Variants in KIRREL2 observed in about 807,000 individuals in gnomAD.
KIRREL2 encodes the protein kin of IRRE-like protein 2.
Under a neutral mutation model 73.4 loss-of-function variants are expected in KIRREL2, and 56 were observed. That is an observed-to-expected ratio of 0.76 (90% CI 0.62 to 0.95). The LOEUF is 0.95. Ranked by LOEUF, KIRREL2 falls within the 40% of genes least tolerant of loss-of-function variation. The pLI is 0.00. For synonymous variants in KIRREL2, 407 were observed against 404.0 expected (o/e 1.01, Z -0.09); for missense variants, 896 against 935.0 (o/e 0.96, Z 0.54).
chr19:35,861,244 G>T lies in KIRREL2; in HGVS notation c.1179G>T (p.Leu393=). 6.5e-7 allele frequency: 1 copy of T among 1,530,830 alleles called. No individual in the cohort carries two copies. Among genetic ancestry groups the T allele is most frequent in the Non-Finnish European group, 8.7e-7 (1 of 1,149,072 alleles). The allele number at this position is 1,530,830 out of a possible 1,614,324, so 94.8% of individuals were successfully genotyped here. The change falls in exon 9 of 15, where the codon CTG becomes CTT. Residue 393 remains leucine (L), a synonymous_variant. Transcript: ENST00000360202. ...GLRGGAAEAR[L]TVNAPPVVTA... is the part of the protein sequence containing the mutation. Reference sequence around the variant, plus strand: ...GGGGCGGCGCCGCGGAGGCTCGGCTGACTGTGAACGGTGAGAAGGCGGGGC... The same window carrying T: ...GGGGCGGCGCCGCGGAGGCTCGGCTTACTGTGAACGGTGAGAAGGCGGGGC...
intron 13 of KIRREL2, among the ~76,000 whole-genome samples, chr19:35,863,442 T>C (rs868275401): frequency 6.1e-5 from 9 of 147,540 alleles, no homozygotes; most frequent in Admixed American, 5.3e-4. Flanking sequence ...TTTTTTTTTT[T>C]ATGTAGGAGG....
At chr19:35,852,159 C>T (rs1409332935), upstream of KIRREL2, among the ~76,000 whole-genome samples, 1 of 148,560 alleles carries the variant, frequency 6.7e-6, no homozygotes, top group Non-Finnish European at 1.5e-5. Flanking sequence ...AGACTCTTTC[C>T]TTCAAGCCAT....
chr19:35,858,622 C>T, intron 3 of KIRREL2, 65 bp downstream of exon 3: 1 of 1,609,298 alleles, frequency 6.2e-7, no homozygotes, highest in Non-Finnish European at 8.5e-7. Context: ...CTGTGAGTAG[C>T]AGAGCCCAGG....
Position 35,858,871 on chromosome 19 carries a change from T to C in KIRREL2, c.522+7T>C. 6.2e-7 allele frequency: 1 copy of C among 1,614,044 alleles called. No individual in the cohort carries two copies. Among genetic ancestry groups the C allele is most frequent in the East Asian group, 2.2e-5 (1 of 44,874 alleles). ...TGGAGCCACCTTCCATCAGGTCAGG[T>C]CCAAATTCCTGTGCTAGCCTTTGCC... On this transcript the variant is annotated splice_region_variant and intron_variant, in intron 4 of 14. Coordinates refer to ENST00000360202, the MANE Select transcript of KIRREL2 (RefSeq NM_199180.4).
At chr19:35,862,203 T>C (rs1467755549) in intron 11 of KIRREL2, among the ~76,000 whole-genome samples, 179 bp downstream of exon 11, 1 of 152,104 alleles carries the variant, frequency 6.6e-6, no homozygotes, top group Non-Finnish European at 1.5e-5. Context: ...CACAAATGCC[T>C]TCACATTCTG....
chr19:35,866,466 C>G lies in KIRREL2; in HGVS notation c.2101C>G (p.His701Asp). Residue 701 changes from histidine to aspartate, a missense_variant, in exon 15 of 15, where the codon CAC becomes GAC. Transcript: ENST00000360202. ...FPYAAFPTPSHPRLQTHV is the reference protein window; with the variant it reads ...FPYAAFPTPSDPRLQTHV Reference sequence around the variant, plus strand: ...ATATGCTGCCTTCCCCACACCTAGCCACCCGCGTCTCCAGACTCACGTGTG... The same window carrying G: ...ATATGCTGCCTTCCCCACACCTAGCGACCCGCGTCTCCAGACTCACGTGTG... 6.2e-7 allele frequency: 1 copy of G among 1,611,650 alleles called. No homozygotes were observed. Among genetic ancestry groups the G allele is most frequent in the Non-Finnish European group, 8.5e-7 (1 of 1,177,798 alleles).
chr19:35,866,186 A>G lies in KIRREL2; in HGVS notation c.1821A>G (p.Arg607=). 6.2e-7 allele frequency: 1 copy of G among 1,612,204 alleles called. No homozygotes were observed. The highest frequency in any genetic ancestry group is 1.1e-5 in the South Asian group (1 of 90,968). ...KDPTNGYYKV[R]GVSVSLSLGE... The stretch of plus-strand genomic sequence containing the variant: ...CAACCAACGGTTACTACAAGGTCCG[A>G]GGAGTCAGTGTGAGCCTGAGCCTTG... The change falls in exon 15 of 15, where the codon CGA becomes CGG. Residue 607 remains arginine (R), a synonymous_variant. Transcript: ENST00000360202.
Position 35,857,183 on chromosome 19 carries a change from A to G in KIRREL2, c.61+3A>G. The G allele has an allele frequency of 6.9e-7, 1 of 1,439,070 alleles. No individual in the cohort carries two copies. Among genetic ancestry groups the G allele is most frequent in the Non-Finnish European group, 9.6e-7 (1 of 1,046,736 alleles). The allele number at this position is 1,439,070 out of a possible 1,614,324, so 89.1% of individuals were successfully genotyped here. A position where few individuals can be genotyped will look rare whatever the true frequency, so the allele number is the denominator to read the frequency against. On this transcript the variant is annotated splice_donor_region_variant and intron_variant, in intron 1 of 14. Transcript: ENST00000360202. ...CTTCTGCTTCAGAGGGAGAGCAGGT[A>G]CCGCACGAGGGGAGCGGAGGAATAT...
Position 35,858,514 on chromosome 19 carries a change from A to T in KIRREL2, c.318A>T (p.Thr106=), listed in dbSNP as rs199689669. 3.7e-6 allele frequency: 6 copies of T among 1,614,074 alleles called. No homozygotes were observed. ...AAGCATCATATGAATGTCAGGCTAC[A>T]CAAGCAGGCCTCCGCTCCAGACCAG... ...EDEASYECQA[T]QAGLRSRPAQ... The change falls in exon 3 of 15, where the codon ACA becomes ACT. Residue 106 remains threonine (T), a synonymous_variant. Transcript: ENST00000360202.
In KIRREL2 at chr19:35,861,588, G is replaced by A; in HGVS notation, c.1237G>A (p.Gly413Ser). ...GCACTCTGCGCCTGCCTTCCTGAGG[G>A]GCCCTGCTCGCCTCCAGTGTCTGGT... ...ALHSAPAFLRGPARLQCLVFA... is the reference protein window; with the variant it reads ...ALHSAPAFLRSPARLQCLVFA... Residue 413 changes from glycine to serine, a missense_variant, in exon 10 of 15, where the codon GGC becomes AGC. Gly to Ser is a moderately conservative substitution (Grantham distance 56, BLOSUM62 0). Transcript: ENST00000360202. 1.2e-6 allele frequency: 2 copies of A among 1,613,370 alleles called. No individual in the cohort carries two copies. The highest frequency in any genetic ancestry group is 1.7e-6 in the Non-Finnish European group (2 of 1,179,800).
chr19:35,855,442 T>A (rs1039395502), upstream of KIRREL2, among the ~76,000 whole-genome samples: 6 of 151,758 alleles, frequency 4.0e-5, no homozygotes, highest in African/African-American at 1.5e-4. Context: ...AACAGCCCCA[T>A]GACTTGAGTT....
At chr19:35,864,736 C>T in intron 14 of KIRREL2, 23 bp downstream of exon 14, 1 of 1,565,694 alleles carries the variant, frequency 6.4e-7, no homozygotes, top group Non-Finnish European at 8.8e-7. Context: ...AGGGGTGGGG[C>T]TCCCTTCACT....
chr19:35,852,560 G>C (rs1371972290), upstream of KIRREL2, among the ~76,000 whole-genome samples: 1 of 151,850 alleles, frequency 6.6e-6, no homozygotes, highest in Non-Finnish European at 1.5e-5. Context: ...CCTCTGCCCA[G>C]CAGGCTCCTC....
rs143257786 is a variant in KIRREL2, at chr19:35,860,403, G to T, written c.779+1G>T. ...CCCAGCCTCCTGTCACAGGCTACAG[G>T]TGAGGACGAAGACCCACCTCTCCCC... On this transcript the variant is annotated splice_donor_variant, in intron 6 of 14. Transcript: ENST00000360202. LOFTEE classifies it high-confidence loss of function. 1.2e-3 allele frequency: 1,921 copies of T among 1,612,586 alleles called. 3 individuals carry two copies. The highest frequency in any genetic ancestry group is 1.5e-3 in the Non-Finnish European group (1,819 of 1,179,922).
upstream of KIRREL2, among the ~76,000 whole-genome samples, chr19:35,853,763 C>T (rs1451187906): frequency 6.6e-6 from 1 of 152,016 alleles, no homozygotes; most frequent in Non-Finnish European, 1.5e-5. Flanking sequence ...CCTCAAACCT[C>T]CTAGGCTCAA....
At chr19:35,861,443 T>C (rs1973679463) in intron 9 of KIRREL2, 98 bp from the exon 10 acceptor site, 1 of 1,463,256 alleles carries the variant, frequency 6.8e-7, no homozygotes, top group East Asian at 2.3e-5. Flanking sequence ...CCTGATTGAT[T>C]GAGGTTAGCG....
chr19:35,862,520 C>T lies in KIRREL2; in HGVS notation c.1538C>T (p.Ala513Val), dbSNP rs1417561774. ...RDLLPTVRIV[A>V]GVAAATTTLL... is the part of the protein sequence containing the mutation. The stretch of plus-strand genomic sequence containing the variant: ...TTGCTGCCCACTGTGCGGATAGTGG[C>T]CGGAGTGGCCGCTGCCACCACAACT... Residue 513 changes from alanine (A) to valine (V), a missense_variant, in exon 12 of 15, where the codon GCC (alanine) becomes GTC (valine). Coordinates refer to ENST00000360202, the MANE Select transcript of KIRREL2 (RefSeq NM_199180.4). The T allele has an allele frequency of 2.5e-6, 4 of 1,610,216 alleles. No individual in the cohort carries two copies. Among genetic ancestry groups the T allele is most frequent in the Non-Finnish European group, 2.5e-6 (3 of 1,179,844 alleles).
At chr19:35,861,675 A>C (rs2146867165) in intron 10 of KIRREL2, 34 bp downstream of exon 10, 1 of 1,605,304 alleles carries the variant, frequency 6.2e-7, no homozygotes, top group East Asian at 2.2e-5. Context: ...TGACCCATCC[A>C]GCCGTGATCC....
upstream of KIRREL2, chr19:35,851,556 C>T: frequency 6.2e-7 from 1 of 1,614,000 alleles, no homozygotes; most frequent in Middle Eastern, 1.7e-4. Context: ...ACCGCACTGC[C>T]AGGGGTGCTG....
Sources: allele counts gnomAD v4.1 joint callset (sites outside exome capture counted in the v4.1 genomes callset), GRCh38; gene constraint gnomAD v4.1.1; transcripts MANE v1.5; gene names NCBI Gene and HGNC (gene_info 2026-07-23, HGNC 2026-07-21).